The following IQSEC1 variants were observed in gnomAD, a reference collection of about 807,000 sequenced individuals.
IQSEC1 encodes the protein IQ motif and SEC7 domain-containing protein 1.
In IQSEC1, 31 loss-of-function variants were observed where a neutral mutation model predicts 91.0. That is an observed-to-expected ratio of 0.34 (90% CI 0.26 to 0.46). IQSEC1 has a LOEUF of 0.46. Among genes scored for constraint, IQSEC1 ranks in the 20% least tolerant of loss-of-function variants. The pLI is 1.00. For missense variants in IQSEC1, 1,388 were observed against 1,575.6 expected (o/e 0.88, Z 2.02); for synonymous variants, 699 against 662.6 (o/e 1.05, Z -0.84).
Position 12,944,197 on chromosome 3 carries a change from G to C in IQSEC1, c.24-2332C>G, listed in dbSNP as rs376884533. Reference sequence around the variant, plus strand: ...TCTCCACATCATGAGAGTCTCCCAAGCCCCTCCCCTACAGCCCCCACCCAC... The same window carrying C: ...TCTCCACATCATGAGAGTCTCCCAACCCCCTCCCCTACAGCCCCCACCCAC... On this transcript the variant is annotated intron_variant, in intron 1 of 13. Coordinates refer to ENST00000613206, the MANE Select transcript of IQSEC1 (RefSeq NM_001134382.3). Among the ~76,000 whole-genome samples the C allele has an allele frequency of 7.9e-5, 12 of 152,296 alleles. 1 individual carries two copies. Among genetic ancestry groups the C allele is most frequent in the Admixed American group, 5.2e-4 (8 of 15,300 alleles).
chr3:12,917,714 G>A (rs1456334028), intron 6 of IQSEC1, among the ~76,000 whole-genome samples: 1 of 152,142 alleles, frequency 6.6e-6, no homozygotes, highest in East Asian at 1.9e-4. Flanking sequence ...CCGTGTGCAG[G>A]TTTTTCTGTG....
chr3:13,272,825 G>T (rs1695611717), intron 1 of IQSEC1, among the ~76,000 whole-genome samples: 1 of 152,176 alleles, frequency 6.6e-6, no homozygotes, highest in South Asian at 2.1e-4. Flanking sequence ...AACATGTGAA[G>T]AGGCTGCAGC....
chr3:13,183,569 CA>C (rs1241163234), intron 1 of IQSEC1, among the ~76,000 whole-genome samples: 1 of 146,962 alleles, frequency 6.8e-6, no homozygotes, highest in African/African-American at 2.5e-5. Context: ...CCATCTCAAA[CA>C]AAAAAAAAGA....
At position 13,227,942 on chromosome 3, in the gene IQSEC1, C is replaced by T. The variant is rs145393597; in HGVS notation, c.272+54769G>A. 2.6e-4 allele frequency among the ~76,000 whole-genome samples: 40 copies of T among 152,212 alleles called. 1 individual carries two copies. The East Asian group carries it at 7.8e-3, about 30-fold the overall frequency. On this transcript the variant is annotated intron_variant, in intron 1 of 15. Coordinates refer to the IQSEC1 transcript ENST00000648114. Reference sequence around the variant, plus strand: ...GGATGCTGCCTCCACCCCAGCTTGCCGAGGACCCCCCACCATCCCCAGCAG... The same window carrying T: ...GGATGCTGCCTCCACCCCAGCTTGCTGAGGACCCCCCACCATCCCCAGCAG...
In IQSEC1 at chr3:13,125,011, C is replaced by T. The variant is rs537654659; in HGVS notation, c.302+39093G>A. Reference sequence around the variant, plus strand: ...ATCTCCATCCTCCTTCTCCAGTCCACACAGCAGCCAGAGGGACCTTTTAAC... The same window carrying T: ...ATCTCCATCCTCCTTCTCCAGTCCATACAGCAGCCAGAGGGACCTTTTAAC... On this transcript the variant is annotated intron_variant, in intron 2 of 15. Coordinates refer to the IQSEC1 transcript ENST00000648114. Among the ~76,000 whole-genome samples, 41 of 152,338 alleles carry T rather than the reference C, an allele frequency of 2.7e-4. No individual in the cohort carries two copies. In the East Asian group the frequency reaches 7.1e-3, roughly 27 times the overall value.
At chr3:13,156,287 G>A (rs2124971140) in intron 2 of IQSEC1, among the ~76,000 whole-genome samples, 1 of 151,958 alleles carries the variant, frequency 6.6e-6, no homozygotes, top group Non-Finnish European at 1.5e-5. Context: ...AACAAAATAG[G>A]AATGGAAAGA....
intron 10 of IQSEC1, among the ~76,000 whole-genome samples, chr3:12,910,701 G>T (rs767477683): frequency 3.9e-5 from 6 of 152,212 alleles, no homozygotes; most frequent in Non-Finnish European, 5.9e-5. Context: ...AGACTGAAGG[G>T]GACAGAGAGC....
At chr3:12,968,942 GCAGC>G (rs1409221317) in intron 1 of IQSEC1, among the ~76,000 whole-genome samples, 1 of 152,214 alleles carries the variant, frequency 6.6e-6, no homozygotes, top group Non-Finnish European at 1.5e-5. Context: ...GCAGAGGAGG[GCAGC>G]CCCTAAAGCC....
intron 3 of IQSEC1, among the ~76,000 whole-genome samples, chr3:12,934,073 G>C (rs1003490252): frequency 2.0e-5 from 3 of 152,194 alleles, no homozygotes; most frequent in Admixed American, 2.0e-4. Context: ...GGAGCAGTGG[G>C]GACAGACTTC....
At chr3:12,916,148 C>T (rs1029445296) in intron 6 of IQSEC1, among the ~76,000 whole-genome samples, 3 of 152,166 alleles carry the variant, frequency 2.0e-5, no homozygotes, top group African/African-American at 7.2e-5. Flanking sequence ...GACCTGGGGC[C>T]ACGTCCTACT....
At chr3:13,086,400 G>T (rs965941876) in intron 2 of IQSEC1, among the ~76,000 whole-genome samples, 13 of 152,212 alleles carry the variant, frequency 8.5e-5, no homozygotes, top group East Asian at 1.9e-4. Context: ...CTCCATGCTG[G>T]TTCAGCGCTG....
At chr3:13,116,652 G>C (rs1706340414) in intron 2 of IQSEC1, among the ~76,000 whole-genome samples, 1 of 152,120 alleles carries the variant, frequency 6.6e-6, no homozygotes, top group South Asian at 2.1e-4. Flanking sequence ...TGTAATCTCA[G>C]CACTTCGGGA....
intron 1 of IQSEC1, among the ~76,000 whole-genome samples, chr3:13,246,958 C>A (rs1695118427): frequency 6.6e-6 from 1 of 152,208 alleles, no homozygotes; most frequent in Admixed American, 6.5e-5. Flanking sequence ...AATCCTGCCC[C>A]TGGAACGCTG....
At chr3:12,999,560 C>T (rs760706097) in intron 1 of IQSEC1, among the ~76,000 whole-genome samples, 14 of 152,124 alleles carry the variant, frequency 9.2e-5, no homozygotes, top group African/African-American at 2.4e-4. Context: ...CCACGTGGGG[C>T]GGGGACATCT....
chr3:12,958,672 A>G (rs922604976), intron 1 of IQSEC1, among the ~76,000 whole-genome samples: 7 of 152,228 alleles, frequency 4.6e-5, no homozygotes, highest in African/African-American at 1.7e-4. Context: ...TAGCACCCAT[A>G]CCTGGGGAGC....
intron 1 of IQSEC1, among the ~76,000 whole-genome samples, chr3:13,029,693 T>C (rs765133474): frequency 2.0e-5 from 3 of 152,236 alleles, no homozygotes; most frequent in Non-Finnish European, 4.4e-5. Context: ...TGAGTGTGTG[T>C]GCGCACATGC....
chr3:12,900,351 G>A lies in IQSEC1; in HGVS notation c.*632C>T, dbSNP rs556941620. On this transcript the variant is annotated 3_prime_UTR_variant, in exon 14 of 14. Coordinates refer to ENST00000613206, the MANE Select transcript of IQSEC1 (RefSeq NM_001134382.3). Reference sequence around the variant, plus strand: ...TCTATTGTCTCACACACCCAGCTAAGGTACTGTCTTCCTATTAGGTAAGTG... The same window carrying A: ...TCTATTGTCTCACACACCCAGCTAAAGTACTGTCTTCCTATTAGGTAAGTG... 1,908 of 984,902 alleles carry A rather than the reference G, an allele frequency of 1.9e-3. 4 individuals are homozygous for A. Among genetic ancestry groups the A allele is most frequent in the Middle Eastern group, 2.6e-3 (5 of 1,912 alleles). The allele number at this position is 984,902 out of a possible 1,614,324, so 61.0% of individuals were successfully genotyped here. A position where few individuals can be genotyped will look rare whatever the true frequency, so the allele number is the denominator to read the frequency against.
intron 1 of IQSEC1, among the ~76,000 whole-genome samples, chr3:13,262,249 T>C (rs1695403236): frequency 6.6e-6 from 1 of 152,196 alleles, no homozygotes. Context: ...CACTTTCCTG[T>C]CTTCTTCCTC....
At chr3:12,920,221 T>G (rs1352961807) in intron 6 of IQSEC1, among the ~76,000 whole-genome samples, 1 of 152,248 alleles carries the variant, frequency 6.6e-6, no homozygotes, top group Non-Finnish European at 1.5e-5. Context: ...GCCTGTGTCA[T>G]GCAGCCTGTG....
Sources: gnomAD v4.1 joint callset for allele counts (sites outside exome capture counted in the v4.1 genomes callset) on GRCh38, gnomAD v4.1.1 for gene constraint, MANE v1.5 for transcripts, NCBI Gene and HGNC (gene_info 2026-07-23, HGNC 2026-07-21) for gene names.